Variants in DSCAML1 observed in about 807,000 individuals in gnomAD.
DSCAML1 encodes cell adhesion molecule DSCAML1.
Under a neutral mutation model 200.5 loss-of-function variants are expected in DSCAML1, and 38 were observed. That is an observed-to-expected ratio of 0.19 (90% CI 0.15 to 0.25). The LOEUF (loss-of-function observed/expected upper bound fraction) is 0.25, where lower values mean the gene tolerates loss of function less well. Among genes scored for constraint, DSCAML1 ranks in the 10% least tolerant of loss-of-function variants. The pLI, the probability that DSCAML1 is intolerant of heterozygous loss-of-function variation, is 1.00. For synonymous variants in DSCAML1, 1,215 were observed against 1,165.0 expected (o/e 1.04, Z -0.87); for missense variants, 2,223 against 2,858.8 (o/e 0.78, Z 5.07).
At chr11:117,513,763 T>G (rs569937382) in intron 8 of DSCAML1, among the ~76,000 whole-genome samples, 29 of 132,026 alleles carry the variant, frequency 2.2e-4, no homozygotes, top group African/African-American at 6.8e-4. Flanking sequence ...AAAAAAAAAG[T>G]CCATTTTCCT....
chr11:117,446,991 AAGATCATGTTTT>A (rs1222429040), intron 20 of DSCAML1, among the ~76,000 whole-genome samples: 7 of 152,342 alleles, frequency 4.6e-5, no homozygotes, highest in African/African-American at 1.7e-4. Context: ...ACAGCCACTC[AAGATCATGTTTT>A]AGGTCAGGTG....
chr11:117,668,599 C>G (rs928243531), intron 3 of DSCAML1: 8 of 152,222 alleles, frequency 5.3e-5, no homozygotes, highest in African/African-American at 1.9e-4. Context: ...CTGTGCCAGT[C>G]CCTGAACGGC....
chr11:117,643,105 T>C (rs2052445228), intron 3 of DSCAML1, among the ~76,000 whole-genome samples: 1 of 152,216 alleles, frequency 6.6e-6, no homozygotes, highest in South Asian at 2.1e-4. Flanking sequence ...TATGTCTCCT[T>C]GTTTCCATGT....
intron 3 of DSCAML1, among the ~76,000 whole-genome samples, chr11:117,544,468 G>C (rs2050333906): frequency 6.6e-6 from 1 of 152,130 alleles, no homozygotes; most frequent in African/African-American, 2.4e-5. Context: ...TCCTGCCTGG[G>C]GGCCCTGGCA....
At chr11:117,455,863 G>T (rs943722802) in intron 19 of DSCAML1, among the ~76,000 whole-genome samples, 3 of 152,040 alleles carry the variant, frequency 2.0e-5, no homozygotes, top group African/African-American at 7.3e-5. Context: ...AGGACAGGCA[G>T]AGTTGACTGC....
intron 27 of DSCAML1, 66 bp downstream of exon 27, chr11:117,435,578 A>AG (rs901747984): frequency 1.5e-4 from 231 of 1,494,868 alleles, no homozygotes; most frequent in Admixed American, 4.9e-4. Context: ...GAGCCAGGGA[A>AG]GGGGGGGGAC....
chr11:117,632,467 A>C (rs1171122476), intron 3 of DSCAML1, among the ~76,000 whole-genome samples: 1 of 152,102 alleles, frequency 6.6e-6, no homozygotes, highest in African/African-American at 2.4e-5. Context: ...CTTTGCTCAT[A>C]TGATGAGTTT....
intron 3 of DSCAML1, among the ~76,000 whole-genome samples, chr11:117,769,661 A>G (rs2055003956): frequency 6.8e-6 from 1 of 147,256 alleles, no homozygotes; most frequent in Admixed American, 7.2e-5. Context: ...GTCTGAATGC[A>G]TAAGTTTAAG....
chr11:117,448,468 A>G (rs1330686209), intron 20 of DSCAML1, among the ~76,000 whole-genome samples: 2 of 152,172 alleles, frequency 1.3e-5, no homozygotes, highest in Non-Finnish European at 2.9e-5. Flanking sequence ...GGTGGGAGAC[A>G]GATATGTGAA....
intron 17 of DSCAML1, among the ~76,000 whole-genome samples, chr11:117,462,014 C>A (rs1286983999): frequency 1.3e-5 from 2 of 152,158 alleles, no homozygotes; most frequent in African/African-American, 2.4e-5. Context: ...CAATGCATCA[C>A]CTCATCTGAT....
chr11:117,807,704 C>A (rs551448331), intron 1 of DSCAML1, among the ~76,000 whole-genome samples: 1 of 152,138 alleles, frequency 6.6e-6, no homozygotes, highest in Non-Finnish European at 1.5e-5. Context: ...AACCTTTGGG[C>A]GGGATGGGGG....
intron 19 of DSCAML1, among the ~76,000 whole-genome samples, chr11:117,457,336 C>T (rs148406383): frequency 0.013 from 1,981 of 152,226 alleles, 41 homozygotes; most frequent in South Asian, 0.015. Flanking sequence ...CCTCACAGGG[C>T]CTTGCCTTGT....
At chr11:117,750,120 A>C (rs981326246) in intron 3 of DSCAML1, among the ~76,000 whole-genome samples, 10 of 152,128 alleles carry the variant, frequency 6.6e-5, no homozygotes, top group African/African-American at 2.2e-4. Flanking sequence ...TCACTCGGGA[A>C]ATGTTGGGTA....
chr11:117,461,908 A>G (rs1255003538), intron 17 of DSCAML1, among the ~76,000 whole-genome samples: 1 of 152,154 alleles, frequency 6.6e-6, no homozygotes, highest in Non-Finnish European at 1.5e-5. Context: ...ACGAGCCCCT[A>G]GGAATTCCCC....
intron 3 of DSCAML1, among the ~76,000 whole-genome samples, chr11:117,738,092 T>C (rs2054352974): frequency 6.6e-6 from 1 of 152,170 alleles, no homozygotes; most frequent in Non-Finnish European, 1.5e-5. Flanking sequence ...GGTTACTCAA[T>C]AGATGCTTAC....
rs1260932020 is a variant in DSCAML1, at chr11:117,444,093, T to G, written c.3709-54A>C. The G allele has an allele frequency of 3.9e-6, 6 of 1,552,104 alleles. No homozygotes were observed. In the African/African-American group the frequency reaches 6.8e-5, roughly 18 times the overall value. On this transcript the variant is annotated intron_variant, in intron 20 of 32. Coordinates refer to ENST00000651296, the MANE Select transcript of DSCAML1 (RefSeq NM_020693.4). ...GAAGCAGAACTGGGGCCCTCCAGCG[T>G]CCAAATCTTCCTCAGTGCCCGGGGC...
rs549611415 is a variant in DSCAML1, at chr11:117,726,880, G to A, written c.511+49911C>T. 4.6e-5 allele frequency among the ~76,000 whole-genome samples: 7 copies of A among 152,182 alleles called. No homozygotes were observed. The East Asian group carries it at 1.4e-3, about 29-fold the overall frequency. On this transcript the variant is annotated intron_variant, in intron 3 of 32. Coordinates refer to ENST00000651296, the MANE Select transcript of DSCAML1 (RefSeq NM_020693.4). The stretch of plus-strand genomic sequence containing the variant: ...AGCATAAGCAGCTCTATAGGGACAG[G>A]AGACTTTAGGGTAGCAGCCAAAGCA...
At chr11:117,481,115 G>C in intron 13 of DSCAML1, 59 bp downstream of exon 13, 3 of 1,506,572 alleles carry the variant, frequency 2.0e-6, no homozygotes, top group Non-Finnish European at 2.8e-6. Context: ...GGTGGAGTTA[G>C]CGGTGGGCCC....
chr11:117,558,229 A>G (rs1051000897), intron 3 of DSCAML1, among the ~76,000 whole-genome samples: 5 of 152,156 alleles, frequency 3.3e-5, no homozygotes, highest in Non-Finnish European at 7.4e-5. Context: ...CAGCACCTAC[A>G]GGCACCACAG....
Sources: allele counts gnomAD v4.1 joint callset (sites outside exome capture counted in the v4.1 genomes callset), GRCh38; gene constraint gnomAD v4.1.1; transcripts MANE v1.5; gene names NCBI Gene and HGNC (gene_info 2026-07-23, HGNC 2026-07-21).